ASPH: variants seen among roughly 807,000 people sequenced by gnomAD.
ASPH encodes aspartate beta-hydroxylase.
In ASPH, 100 loss-of-function variants were observed where a neutral mutation model predicts 118.4. The ratio of observed to expected loss-of-function variants is 0.84; its 90% CI spans 0.72 to 1.00. The LOEUF (loss-of-function observed/expected upper bound fraction) is 1.00, where lower values mean the gene tolerates loss of function less well. ASPH is among the 50% of genes least tolerant of loss of function. The pLI is 0.00. For synonymous variants in ASPH, 315 were observed against 325.6 expected, an observed-to-expected ratio of 0.97 and a Z score of 0.35; for missense variants, 920 against 919.5, an observed-to-expected ratio of 1.00 and a Z score of -0.01.
chr8:61,524,752 C>CTT (rs199581207), intron 22 of ASPH, among the ~76,000 whole-genome samples: 14 of 145,724 alleles, frequency 9.6e-5, no homozygotes, highest in Non-Finnish European at 1.5e-4. Context: ...TTATCAAATA[C>CTT]TTTTTTTTTT....
At chr8:61,514,687 C>T (rs1045492047) in intron 24 of ASPH, among the ~76,000 whole-genome samples, 2 of 151,946 alleles carry the variant, frequency 1.3e-5, no homozygotes, top group African/African-American at 2.4e-5. Flanking sequence ...CCAGCCTGGG[C>T]GACAGAGCGA....
rs1050836888 is a variant in ASPH at position 61,712,928 on chromosome 8, C to A, written c.103+1341G>T. On this transcript the variant is annotated intron_variant, in intron 1 of 24. Coordinates refer to ENST00000379454, the MANE Select transcript of ASPH (RefSeq NM_004318.4). ...GTTCATCAGCTTTCTCTGCTTAGTG[C>A]CCTTAGAGGCACAATGAGAAGAACC... 7.2e-5 allele frequency among the ~76,000 whole-genome samples: 11 copies of A among 152,288 alleles called. No homozygotes were observed. The East Asian group carries it at 2.1e-3, about 29-fold the overall frequency.
At position 61,500,613 on chromosome 8, in the gene ASPH, ACTC is replaced by A. The variant is rs1156479304; in HGVS notation, c.*2743_*2745del. On this transcript the variant is annotated 3_prime_UTR_variant, in exon 25 of 25. Transcript: ENST00000379454. Reference sequence around the variant, plus strand: ...CTCCTTAGAAATGGAGTCCCCAACTACTCATTCAAAAGAAATCAGACATAAAAT... The same window carrying A: ...CTCCTTAGAAATGGAGTCCCCAACTAATTCAAAAGAAATCAGACATAAAAT... 6.7e-6 allele frequency: 1 copy of A among 148,308 alleles called. No homozygotes were observed. The highest frequency in any genetic ancestry group is 2.6e-5 in the African/African-American group (1 of 38,818). 9.2% of individuals were successfully genotyped at this position (148,308 alleles called of 1,614,324 possible).
At chr8:61,588,785 C>A (rs1305724841) in intron 14 of ASPH, among the ~76,000 whole-genome samples, 1 of 152,162 alleles carries the variant, frequency 6.6e-6, no homozygotes, top group African/African-American at 2.4e-5. Flanking sequence ...AAAATGAAAA[C>A]ATAAATCATG....
chr8:61,676,058 C>T, intron 3 of ASPH: 3 of 1,598,808 alleles, frequency 1.9e-6, no homozygotes, highest in South Asian at 1.1e-5. Flanking sequence ...CCAATGACTT[C>T]AGTCCCTGAA....
chr8:61,552,432 G>T lies in ASPH; in HGVS notation c.1626+599C>A, dbSNP rs1188903411. On this transcript the variant is annotated intron_variant, in intron 20 of 24. Transcript: ENST00000379454. ...AACTTTTTTAGCTACTACATTTTTTGTGTCAATCCCTATCATTACTATCAC... is the reference window on the plus strand; with the variant it reads ...AACTTTTTTAGCTACTACATTTTTTTTGTCAATCCCTATCATTACTATCAC... Among the ~76,000 whole-genome samples the T allele has an allele frequency of 8.5e-5, 13 of 152,274 alleles. No individual in the cohort carries two copies. The South Asian group carries it at 2.3e-3, about 27-fold the overall frequency.
intron 15 of ASPH, among the ~76,000 whole-genome samples, chr8:61,582,778 G>A (rs563373967): frequency 6.6e-6 from 1 of 152,198 alleles, no homozygotes; most frequent in East Asian, 1.9e-4. Flanking sequence ...AAGCCCACTT[G>A]TTCCTTTATT....
Position 61,553,032 on chromosome 8 carries a change from T to C in ASPH, c.1625A>G (p.Glu542Gly), listed in dbSNP as rs749630928. Reference protein sequence around the residue: ...GDAMQRVGNKEAYKWYELGHK... With the variant: ...GDAMQRVGNKGAYKWYELGHK... Reference sequence around the variant, plus strand: ...ATCAGAAATTCATATACCCATTACCTCTTTGTTCCCAACCCTCTGCATGGC... The same window carrying C: ...ATCAGAAATTCATATACCCATTACCCCTTTGTTCCCAACCCTCTGCATGGC... The change falls in exon 20 of 25, where the codon GAG becomes GGG. Residue 542 changes from glutamate to glycine, a missense_variant and splice_region_variant. Transcript: ENST00000379454. The C allele has an allele frequency of 1.2e-6, 2 of 1,608,952 alleles. No homozygotes were observed. Among genetic ancestry groups the C allele is most frequent in the Non-Finnish European group, 1.7e-6 (2 of 1,175,450 alleles).
At chr8:61,596,168 A>G (rs11984541) in intron 14 of ASPH, among the ~76,000 whole-genome samples, 39,727 of 151,922 alleles carry the variant, frequency 0.26, 6,057 homozygotes, top group African/African-American at 0.41. Flanking sequence ...GCTTACACAC[A>G]TGTTCCAGGG....
At chr8:61,645,031 A>G (rs1338119026) in intron 6 of ASPH, among the ~76,000 whole-genome samples, 2 of 152,208 alleles carry the variant, frequency 1.3e-5, no homozygotes. Context: ...GAACAGAGAA[A>G]AACAGCTGAA....
At chr8:61,686,277 A>C (rs990544970) in intron 1 of ASPH, among the ~76,000 whole-genome samples, 2 of 152,224 alleles carry the variant, frequency 1.3e-5, no homozygotes, top group Admixed American at 1.3e-4. Flanking sequence ...AGATTAAATC[A>C]ACTTCAAATA....
intron 2 of ASPH, among the ~76,000 whole-genome samples, chr8:61,681,984 T>C (rs1828308293): frequency 6.6e-6 from 1 of 151,968 alleles, no homozygotes; most frequent in Admixed American, 6.6e-5. Context: ...AATACAGCAT[T>C]AGTACTAAAA....
chr8:61,647,051 A>T (rs969276923), intron 5 of ASPH, among the ~76,000 whole-genome samples, 173 bp from the exon 6 acceptor site: 1 of 152,170 alleles, frequency 6.6e-6, no homozygotes, highest in African/African-American at 2.4e-5. Flanking sequence ...GCCAAGTGCT[A>T]ATCTGCCTAA....
intron 19 of ASPH, among the ~76,000 whole-genome samples, chr8:61,553,542 G>A (rs1826762875): frequency 6.6e-6 from 1 of 151,928 alleles, no homozygotes; most frequent in Admixed American, 6.6e-5. Flanking sequence ...AGTGATGGCA[G>A]TCCAACTGCG....
At chr8:61,542,852 A>G (rs1240820063) in intron 21 of ASPH, among the ~76,000 whole-genome samples, 4 of 152,114 alleles carry the variant, frequency 2.6e-5, no homozygotes, top group Admixed American at 2.0e-4. Context: ...CTAGATATAG[A>G]ATTCTTGGTT....
intron 6 of ASPH, 61 bp from the exon 7 acceptor site, chr8:61,644,693 C>A: frequency 8.2e-7 from 1 of 1,222,622 alleles, no homozygotes; most frequent in Non-Finnish European, 1.1e-6. Flanking sequence ...GTATATATCC[C>A]GTATATGTAC....
intron 15 of ASPH, among the ~76,000 whole-genome samples, chr8:61,577,414 A>AAAAAAAAAAAAAG: frequency 6.7e-6 from 1 of 149,046 alleles, no homozygotes; most frequent in Non-Finnish European, 1.5e-5. Flanking sequence ...AAAAAAAAAA[A>AAAAAAAAAAAAAG]AAAAAAAAAG....
In ASPH at chr8:61,714,492, T is replaced by C. The variant is rs1202911973; in HGVS notation, c.-121A>G. 1.5e-6 allele frequency: 2 copies of C among 1,318,734 alleles called. No individual in the cohort carries two copies. The highest frequency in any genetic ancestry group is 2.0e-6 in the Non-Finnish European group (2 of 1,024,308). 81.7% of individuals were successfully genotyped at this position (1,318,734 alleles called of 1,614,324 possible). A position where few individuals can be genotyped will look rare whatever the true frequency, so the allele number is the denominator to read the frequency against. On this transcript the variant is annotated 5_prime_UTR_variant, in exon 1 of 25. Transcript: ENST00000379454. The stretch of plus-strand genomic sequence containing the variant: ...TGGAGCGGGTTCGGGCCGCTGCTCC[T>C]GCAGCAGACCCTGTGCCTCAGCACC...
chr8:61,581,672 G>A (rs1297002542), intron 15 of ASPH, among the ~76,000 whole-genome samples: 1 of 152,164 alleles, frequency 6.6e-6, no homozygotes, highest in African/African-American at 2.4e-5. Flanking sequence ...TCGAGGAATT[G>A]TTGACTTCAT....
Sources: allele counts gnomAD v4.1 joint callset (sites outside exome capture counted in the v4.1 genomes callset), GRCh38; gene constraint gnomAD v4.1.1; transcripts MANE v1.5; gene names NCBI Gene and HGNC (gene_info 2026-07-23, HGNC 2026-07-21).